MIDEAS: variants seen among roughly 807,000 people sequenced by gnomAD.
The protein encoded by MIDEAS is mitotic deacetylase associated SANT domain protein.
In MIDEAS, 26 loss-of-function variants were observed where a neutral mutation model predicts 102.7. That is an observed-to-expected ratio of 0.25 (90% CI 0.19 to 0.35). MIDEAS has a LOEUF of 0.35. Ranked by LOEUF, MIDEAS falls within the 10% of genes least tolerant of loss-of-function variation. The pLI is 1.00. For synonymous variants in MIDEAS, 585 were observed against 591.0 expected (o/e 0.99, Z 0.15); for missense variants, 1,231 against 1,435.6 (o/e 0.86, Z 2.30).
chr14:73,730,953 G>A (rs920214031), intron 3 of MIDEAS, among the ~76,000 whole-genome samples: 7 of 151,226 alleles, frequency 4.6e-5, no homozygotes, highest in Non-Finnish European at 5.9e-5. Context: ...ACTGGATTCC[G>A]TCTCAAAAAA....
At chr14:73,766,958 T>G (rs900503595) in intron 1 of MIDEAS, among the ~76,000 whole-genome samples, 1 of 149,512 alleles carries the variant, frequency 6.7e-6, no homozygotes, top group Admixed American at 6.8e-5. Flanking sequence ...TGGGTTCAAG[T>G]GATTCTTCTG....
chr14:73,737,484 G>A (rs2034804090), intron 2 of MIDEAS, among the ~76,000 whole-genome samples, 187 bp from the exon 3 acceptor site: 1 of 152,080 alleles, frequency 6.6e-6, no homozygotes, highest in African/African-American at 2.4e-5. Flanking sequence ...AAATTAGCTG[G>A]GCATGGTGGC....
chr14:73,762,373 C>A (rs1000817920), upstream of MIDEAS, among the ~76,000 whole-genome samples: 16 of 152,216 alleles, frequency 1.1e-4, no homozygotes, highest in Non-Finnish European at 1.8e-4. Context: ...GCAGGGGAAA[C>A]AGAGAAGTCA....
At chr14:73,746,573 T>C (rs992145198) in intron 1 of MIDEAS, among the ~76,000 whole-genome samples, 2 of 152,138 alleles carry the variant, frequency 1.3e-5, no homozygotes, top group Non-Finnish European at 2.9e-5. Flanking sequence ...ACAGTCTCTA[T>C]GCCCTATACA....
chr14:73,732,394 C>T (rs536206549), intron 3 of MIDEAS, among the ~76,000 whole-genome samples: 23 of 152,320 alleles, frequency 1.5e-4, no homozygotes, highest in Admixed American at 1.4e-3. Context: ...TTTGAAGCTG[C>T]GTTTTCCCTA....
Position 73,738,850 on chromosome 14 carries a change from G to A in MIDEAS, c.1159C>T (p.Pro387Ser), listed in dbSNP as rs1219845813. ...GGATGGGGCTGCCCCAGGGAGCCAGGTGGCGGCTGCTGCAGGGGCCAGTGA... is the reference window on the plus strand; with the variant it reads ...GGATGGGGCTGCCCCAGGGAGCCAGATGGCGGCTGCTGCAGGGGCCAGTGA... ...LHHWPLQQPP[P>S]GSLGQPHPEA... The change falls in exon 2 of 13, where the codon CCT becomes TCT. Residue 387 changes from proline to serine, a missense_variant. Transcript: ENST00000423556. 5 of 1,572,870 alleles carry A rather than the reference G, an allele frequency of 3.2e-6. No homozygotes were observed. Among genetic ancestry groups the A allele is most frequent in the Non-Finnish European group, 4.3e-6 (5 of 1,159,412 alleles).
chr14:73,721,653 C>A, intron 10 of MIDEAS, 144 bp from the exon 11 acceptor site: 1 of 678,622 alleles, frequency 1.5e-6, no homozygotes, highest in Non-Finnish European at 2.5e-6. Flanking sequence ...TACTAGGACT[C>A]TGGACTCTGT....
intron 7 of MIDEAS, 118 bp downstream of exon 7, chr14:73,726,486 C>T: frequency 2.0e-6 from 2 of 989,986 alleles, no homozygotes; most frequent in Non-Finnish European, 3.0e-6. Flanking sequence ...CTTCCTTAGT[C>T]AGACCCTCCT....
chr14:73,751,431 G>C (rs910483091), intron 1 of MIDEAS, among the ~76,000 whole-genome samples: 1 of 152,198 alleles, frequency 6.6e-6, no homozygotes, highest in African/African-American at 2.4e-5. Flanking sequence ...GTGGCTGGTC[G>C]GGTAAAGTGG....
Position 73,742,232 on chromosome 14 carries a change from G to C in MIDEAS, c.-247-1977C>G, listed in dbSNP as rs1005521172. ...AGCCCACGTGCCTCCAGGGGGCTGC[G>C]AGCCCCTCCAGTGGGCGCTCACACA... is the stretch of plus-strand genomic sequence containing the variant. On this transcript the variant is annotated intron_variant, in intron 1 of 12. Transcript: ENST00000423556. The surrounding 1 kb of genome is among the most constrained non-coding windows in gnomAD (Gnocchi z 4.4). Among the ~76,000 whole-genome samples the C allele has an allele frequency of 2.0e-5, 3 of 152,234 alleles. No individual in the cohort carries two copies. The highest frequency in any genetic ancestry group is 7.2e-5 in the African/African-American group (3 of 41,464).
At chr14:73,745,400 G>A (rs1302129895) in intron 1 of MIDEAS, among the ~76,000 whole-genome samples, 1 of 152,156 alleles carries the variant, frequency 6.6e-6, no homozygotes. Flanking sequence ...AGTGGCCAGG[G>A]ACACAAGCCT....
chr14:73,780,185 T>C (rs1250289539), intron 1 of MIDEAS, among the ~76,000 whole-genome samples: 3 of 148,846 alleles, frequency 2.0e-5, no homozygotes, highest in African/African-American at 7.3e-5. Context: ...ATTATATTTT[T>C]ATATTTCATA....
chr14:73,745,996 G>T (rs2053346935), intron 1 of MIDEAS, among the ~76,000 whole-genome samples: 1 of 152,192 alleles, frequency 6.6e-6, no homozygotes, highest in African/African-American at 2.4e-5. Context: ...GAGTCCCAGG[G>T]GTCTCAGCCA....
upstream of MIDEAS, among the ~76,000 whole-genome samples, chr14:73,762,992 G>A (rs892298774): frequency 1.3e-5 from 2 of 152,140 alleles, no homozygotes; most frequent in Non-Finnish European, 1.5e-5. Context: ...CACTCAGAGC[G>A]GTCTGTCACT....
upstream of MIDEAS, chr14:73,787,461 C>T (rs1404225900): frequency 6.6e-6 from 1 of 152,248 alleles, no homozygotes; most frequent in Non-Finnish European, 1.5e-5. Context: ...CGTTTCCGCG[C>T]CGAAGTGCGA....
chr14:73,723,022 C>G, intron 9 of MIDEAS, 175 bp from the exon 10 acceptor site: 1 of 609,894 alleles, frequency 1.6e-6, no homozygotes, highest in Non-Finnish European at 2.9e-6. Context: ...AACCACTGAT[C>G]AATTAATCAA....
At chr14:73,720,373 G>A (rs1402342718) in intron 11 of MIDEAS, among the ~76,000 whole-genome samples, 1 of 151,632 alleles carries the variant, frequency 6.6e-6, no homozygotes, top group Non-Finnish European at 1.5e-5. Context: ...TCAGCCTCTG[G>A]AGTAGCTGGG....
chr14:73,754,030 G>A (rs1245177470), intron 1 of MIDEAS, among the ~76,000 whole-genome samples: 8 of 152,200 alleles, frequency 5.3e-5, no homozygotes, highest in Non-Finnish European at 2.9e-5. Flanking sequence ...GGACTCCAGT[G>A]TGGCAGAGAC....
chr14:73,749,009 T>C (rs72721784), intron 1 of MIDEAS, among the ~76,000 whole-genome samples: 5,858 of 152,208 alleles, frequency 0.038, 136 homozygotes, highest in Middle Eastern at 0.085. Flanking sequence ...TTTTTTCATG[T>C]TATTTTATAC....
Sources: allele counts gnomAD v4.1 joint callset (sites outside exome capture counted in the v4.1 genomes callset), GRCh38; gene constraint gnomAD v4.1.1; non-coding constraint Gnocchi (gnomAD v3.1); transcripts MANE v1.5; gene names NCBI Gene and HGNC (gene_info 2026-07-23, HGNC 2026-07-21).